The following DOCK1 variants were observed in gnomAD, a reference collection of about 807,000 sequenced individuals.
DOCK1 encodes dedicator of cytokinesis 1.
In DOCK1, 138 loss-of-function variants were observed where a neutral mutation model predicts 262.7. The observed-to-expected ratio is 0.53, with a 90% CI of 0.46 to 0.61. The LOEUF is 0.61. Among genes scored for constraint, DOCK1 ranks in the 20% least tolerant of loss-of-function variants. The probability of loss-of-function intolerance (pLI) is 0.00; values close to 1 mark genes in which losing one functional copy is unlikely to be tolerated. For missense variants in DOCK1, 1,908 were observed against 2,370.7 expected (o/e 0.80, Z 4.05); for synonymous variants, 866 against 867.4 (o/e 1.00, Z 0.03).
At chr10:127,366,671 G>T (rs1197325996) in intron 33 of DOCK1, among the ~76,000 whole-genome samples, 1 of 128,290 alleles carries the variant, frequency 7.8e-6, no homozygotes, top group Non-Finnish European at 1.7e-5. Context: ...CCCTATTGTC[G>T]GTGATGTGGG....
chr10:127,347,868 C>CAG, intron 31 of DOCK1, among the ~76,000 whole-genome samples: 1 of 57,342 alleles, frequency 1.7e-5, no homozygotes, highest in Admixed American at 1.6e-4. Flanking sequence ...CCTTCCCTTC[C>CAG]CTTCCCTTCC....
intron 32 of DOCK1, among the ~76,000 whole-genome samples, chr10:127,361,125 T>C (rs2064401905): frequency 6.9e-6 from 1 of 144,108 alleles, no homozygotes; most frequent in Non-Finnish European, 1.5e-5. Context: ...TTTTTTTTTT[T>C]TTTTTTGAGA....
chr10:126,918,636 G>A lies in DOCK1; in HGVS notation c.46+13073G>A, dbSNP rs558399119. ...TTCAGATGATTTGGGGATATCACTG[G>A]TATTTTAATAAGTTCTAGAATTTCC... On this transcript the variant is annotated intron_variant, in intron 1 of 51. Transcript: ENST00000623213. 3.3e-3 allele frequency among the ~76,000 whole-genome samples: 509 copies of A among 152,248 alleles called. 5 individuals are homozygous for A. The highest frequency in any genetic ancestry group is 0.012 in the African/African-American group (491 of 41,544).
chr10:127,130,278 G>A (rs2050244836), intron 27 of DOCK1, among the ~76,000 whole-genome samples: 1 of 152,042 alleles, frequency 6.6e-6, no homozygotes, highest in Non-Finnish European at 1.5e-5. Context: ...TACAGTTGGG[G>A]TTTCACCATG....
chr10:127,168,963 C>G (rs1216438404), intron 27 of DOCK1, among the ~76,000 whole-genome samples: 1 of 152,132 alleles, frequency 6.6e-6, no homozygotes, highest in Non-Finnish European at 1.5e-5. Flanking sequence ...TTTCTTATCC[C>G]CTGACAGGTC....
intron 27 of DOCK1, among the ~76,000 whole-genome samples, chr10:127,177,550 CG>C (rs2055283665): frequency 6.6e-6 from 1 of 152,196 alleles, no homozygotes; most frequent in African/African-American, 2.4e-5. Context: ...TGAGGGTGTA[CG>C]GGGCCCGAGT....
At position 127,117,366 on chromosome 10, in the gene DOCK1, A is replaced by T. The variant is rs145422673; in HGVS notation, c.2623+7012A>T. Among the ~76,000 whole-genome samples, 10 of 152,312 alleles carry T rather than the reference A, an allele frequency of 6.6e-5. No individual in the cohort carries two copies. The East Asian group carries it at 1.9e-3, about 29-fold the overall frequency. Reference sequence around the variant, plus strand: ...TGATTGAGGAGGTGGCTTCTTACAAATCTATCAGCCCACTCTTTTCTTAAA... The same window carrying T: ...TGATTGAGGAGGTGGCTTCTTACAATTCTATCAGCCCACTCTTTTCTTAAA... On this transcript the variant is annotated intron_variant, in intron 25 of 51. Coordinates refer to ENST00000623213, the MANE Select transcript of DOCK1 (RefSeq NM_001290223.2).
At chr10:127,348,301 C>T (rs994143598) in intron 31 of DOCK1, among the ~76,000 whole-genome samples, 5 of 152,056 alleles carry the variant, frequency 3.3e-5, no homozygotes, top group African/African-American at 9.7e-5. Flanking sequence ...CCATCCCAGC[C>T]CCCTAGCCTT....
At chr10:127,319,377 C>T (rs1025191066) in intron 29 of DOCK1, among the ~76,000 whole-genome samples, 10 of 152,200 alleles carry the variant, frequency 6.6e-5, no homozygotes, top group African/African-American at 2.4e-4. Flanking sequence ...ATATTTTAAT[C>T]TCTGCAATAC....
At chr10:126,939,694 T>A (rs2034844665) in intron 1 of DOCK1, among the ~76,000 whole-genome samples, 1 of 152,188 alleles carries the variant, frequency 6.6e-6, no homozygotes, top group Non-Finnish European at 1.5e-5. Flanking sequence ...AACTCTTCAG[T>A]CCAGATGAGT....
intron 27 of DOCK1, among the ~76,000 whole-genome samples, chr10:127,147,490 T>C (rs2051998974): frequency 6.6e-6 from 1 of 152,120 alleles, no homozygotes; most frequent in African/African-American, 2.4e-5. Flanking sequence ...CTTGCACCTG[T>C]GGCTCTCACC....
intron 38 of DOCK1, among the ~76,000 whole-genome samples, chr10:127,385,202 A>G (rs567177707): frequency 1.3e-5 from 2 of 152,342 alleles, no homozygotes; most frequent in African/African-American, 4.8e-5. Context: ...CCGTGCCCAC[A>G]GAGCTAATGT....
intron 29 of DOCK1, among the ~76,000 whole-genome samples, chr10:127,313,299 G>A (rs979809533): frequency 6.6e-6 from 1 of 152,156 alleles, no homozygotes. Context: ...CAGGGACAAT[G>A]TCCTAAGCAT....
At chr10:127,244,036 T>G (rs1000986398) in intron 27 of DOCK1, among the ~76,000 whole-genome samples, 2 of 152,164 alleles carry the variant, frequency 1.3e-5, no homozygotes, top group Non-Finnish European at 2.9e-5. Flanking sequence ...TATTCCATAT[T>G]TGCATAATGT....
intron 4 of DOCK1, among the ~76,000 whole-genome samples, chr10:126,983,321 C>T (rs1322589890): frequency 1.3e-5 from 2 of 152,158 alleles, no homozygotes; most frequent in Non-Finnish European, 2.9e-5. Context: ...CAGGTGATCT[C>T]ATCCCTCTTC....
At chr10:127,371,090 C>T (rs1365362794) in intron 33 of DOCK1, among the ~76,000 whole-genome samples, 6 of 152,234 alleles carry the variant, frequency 3.9e-5, no homozygotes, top group Admixed American at 3.9e-4. Flanking sequence ...AAAACCAGCT[C>T]TGCTCTATCA....
chr10:127,313,003 T>C (rs1261926063), intron 29 of DOCK1, among the ~76,000 whole-genome samples: 1 of 152,148 alleles, frequency 6.6e-6, no homozygotes, highest in Non-Finnish European at 1.5e-5. Context: ...CTTGGCTCCC[T>C]GGCCCCTCCC....
chr10:127,078,895 C>T (rs772560185), intron 23 of DOCK1, among the ~76,000 whole-genome samples: 1 of 152,150 alleles, frequency 6.6e-6, no homozygotes, highest in Non-Finnish European at 1.5e-5. Context: ...TGTTCTCATA[C>T]TTAAAGACAG....
chr10:127,434,432 C>G (rs916566002), intron 48 of DOCK1, among the ~76,000 whole-genome samples: 1 of 152,140 alleles, frequency 6.6e-6, no homozygotes, highest in Non-Finnish European at 1.5e-5. Flanking sequence ...TTCCCAAGCT[C>G]AAGCGATCAT....
Sources: allele counts gnomAD v4.1 joint callset (sites outside exome capture counted in the v4.1 genomes callset), GRCh38; gene constraint gnomAD v4.1.1; transcripts MANE v1.5; gene names NCBI Gene and HGNC (gene_info 2026-07-23, HGNC 2026-07-21).